The following FGD3 variants were observed in gnomAD, a reference collection of about 807,000 sequenced individuals.
FGD3 encodes the protein FYVE, RhoGEF and PH domain-containing protein 3.
FGD3 carries 45 observed loss-of-function variants against 71.8 expected under a neutral mutation model. The ratio of observed to expected loss-of-function variants is 0.63; its 90% confidence interval spans 0.49 to 0.80. The LOEUF (loss-of-function observed/expected upper bound fraction) is 0.80. Ranked by LOEUF, FGD3 falls within the 30% of genes least tolerant of loss-of-function variation. The pLI is 0.00. For synonymous variants in FGD3, 378 were observed against 392.8 expected, an observed-to-expected ratio of 0.96 and a Z score of 0.44; for missense variants, 844 against 951.5, an observed-to-expected ratio of 0.89 and a Z score of 1.49.
chr9:93,012,175 A>G (rs564220738), intron 8 of FGD3, among the ~76,000 whole-genome samples: 3 of 151,680 alleles, frequency 2.0e-5, no homozygotes, highest in East Asian at 3.9e-4. Flanking sequence ...AAAAAAATGT[A>G]TAACAAAAAC....
chr9:93,017,909 G>A (rs1861764699), intron 10 of FGD3, among the ~76,000 whole-genome samples: 1 of 152,156 alleles, frequency 6.6e-6, no homozygotes, highest in Non-Finnish European at 1.5e-5. Flanking sequence ...AAGATGAGCG[G>A]TCATAGCTGT....
At position 93,018,125 on chromosome 9, in the gene FGD3, T is replaced by G. The variant is rs765465307; in HGVS notation, c.1276-11T>G. ...TTGGGTTTGCTTTGTTCTTTGTTCT[T>G]GCCCCTTCAGGTGCAGGATATCGTC... On this transcript the variant is annotated splice_polypyrimidine_tract_variant and intron_variant, in intron 10 of 17. Coordinates refer to ENST00000375482, the MANE Select transcript of FGD3 (RefSeq NM_001083536.2). 12 of 1,613,776 alleles carry G rather than the reference T, an allele frequency of 7.4e-6. 1 individual carries two copies. The highest frequency in any genetic ancestry group is 1.6e-4 in the Middle Eastern group (1 of 6,062).
intron 3 of FGD3, among the ~76,000 whole-genome samples, chr9:92,999,729 G>T (rs889639464): frequency 2.6e-4 from 40 of 151,868 alleles, no homozygotes; most frequent in African/African-American, 9.2e-4. Context: ...GAGTAGCTGG[G>T]ATTACAGGTG....
At chr9:93,000,978 CT>C (rs979272494) in intron 3 of FGD3, among the ~76,000 whole-genome samples, 12 of 149,682 alleles carry the variant, frequency 8.0e-5, no homozygotes, top group South Asian at 2.1e-4. Context: ...GCTCTTCTTT[CT>C]TTTTTTTTTC....
intron 3 of FGD3, among the ~76,000 whole-genome samples, chr9:92,977,288 T>C (rs567949198): frequency 4.6e-5 from 7 of 151,974 alleles, no homozygotes; most frequent in South Asian, 2.1e-4. Flanking sequence ...TGGAGGGAGT[T>C]TGTTTGCGTT....
rs372002389 is a variant in FGD3, at chr9:93,034,716, G to A, written c.1926+35G>A. The A allele has an allele frequency of 2.5e-6, 4 of 1,597,110 alleles. No individual in the cohort carries two copies. The African/African-American group carries it at 4.0e-5, about 16-fold the overall frequency. On this transcript the variant is annotated intron_variant, in intron 17 of 17. Transcript: ENST00000375482. ...CCCACCCCACCAGGCCCTCAGGCCA[G>A]CAGCCCAGAGCCTCAGGCCTGAGGC...
intron 14 of FGD3, among the ~76,000 whole-genome samples, chr9:93,028,233 CA>C (rs1308696075): frequency 2.0e-5 from 3 of 149,950 alleles, no homozygotes; most frequent in Non-Finnish European, 3.0e-5. Flanking sequence ...CACACACACA[CA>C]CACCCCAATT....
At chr9:93,025,459 T>C (rs568881613) in intron 14 of FGD3, among the ~76,000 whole-genome samples, 1 of 152,340 alleles carries the variant, frequency 6.6e-6, no homozygotes, top group East Asian at 1.9e-4. Context: ...TCAGTGTCTG[T>C]GTCAAGCTGC....
intron 1 of FGD3, among the ~76,000 whole-genome samples, chr9:92,949,574 A>G (rs1858915832): frequency 6.6e-6 from 1 of 152,174 alleles, no homozygotes; most frequent in African/African-American, 2.4e-5. Context: ...AACGAGGGAT[A>G]TCCAGCAGCC....
At chr9:93,015,875 C>T in intron 10 of FGD3, 46 bp downstream of exon 10, 1 of 1,550,794 alleles carries the variant, frequency 6.4e-7, no homozygotes. Flanking sequence ...GGAAGGGGCA[C>T]TGAGCAGGAC....
At chr9:93,006,622 G>A (rs1861065489) in intron 6 of FGD3, among the ~76,000 whole-genome samples, 1 of 152,056 alleles carries the variant, frequency 6.6e-6, no homozygotes, top group Non-Finnish European at 1.5e-5. Context: ...CTATAGGGCT[G>A]GTCTCTTTCT....
At chr9:92,998,437 G>A (rs922646681) in intron 3 of FGD3, among the ~76,000 whole-genome samples, 7 of 152,124 alleles carry the variant, frequency 4.6e-5, no homozygotes, top group Non-Finnish European at 1.0e-4. Context: ...GCTTGGAGAA[G>A]TTTGTTATTA....
chr9:93,032,739 C>G (rs769465710), intron 15 of FGD3, 30 bp from the exon 16 acceptor site: 92 of 1,606,746 alleles, frequency 5.7e-5, no homozygotes, highest in Non-Finnish European at 7.5e-5. Context: ...TCCCAGGGTG[C>G]TGGGGTCACA....
intron 3 of FGD3, among the ~76,000 whole-genome samples, chr9:92,977,124 A>G (rs1460159526): frequency 6.6e-6 from 1 of 152,172 alleles, no homozygotes. Context: ...AAACTGAGGC[A>G]CAGAGGGCAT....
At chr9:93,024,798 C>A (rs147686672) in intron 14 of FGD3, among the ~76,000 whole-genome samples, 17 of 152,242 alleles carry the variant, frequency 1.1e-4, no homozygotes, top group African/African-American at 4.1e-4. Context: ...GAGTCTAACC[C>A]CCGGGTTGGT....
chr9:93,032,408 G>A (rs1454357555), intron 15 of FGD3: 1 of 228,340 alleles, frequency 4.4e-6, no homozygotes, highest in Non-Finnish European at 8.9e-6. Context: ...GCCATGCTGA[G>A]GGGTGAGAGG....
intron 1 of FGD3, among the ~76,000 whole-genome samples, chr9:92,971,761 C>T (rs1859543490): frequency 1.3e-5 from 2 of 151,606 alleles, no homozygotes; most frequent in South Asian, 4.2e-4. Flanking sequence ...TTTTCTTGAT[C>T]AGCCCTGTGA....
intron 8 of FGD3, among the ~76,000 whole-genome samples, chr9:93,012,689 G>GA: frequency 8.0e-6 from 1 of 124,930 alleles, no homozygotes; most frequent in Non-Finnish European, 1.7e-5. Context: ...GGCGGTGGCG[G>GA]GGTGTGGGGG....
Position 93,032,866 on chromosome 9 carries a change from G to T in FGD3, c.1778G>T (p.Ser593Ile). 1 of 1,614,102 alleles carries T rather than the reference G, an allele frequency of 6.2e-7. No individual in the cohort carries two copies. Among genetic ancestry groups the T allele is most frequent in the African/African-American group, 1.3e-5 (1 of 75,054 alleles). ...CFLTQPVAPE[S>I]TEKTPTADPQ... Reference sequence around the variant, plus strand: ...CTGACACAGCCAGTGGCCCCTGAGAGCACAGAGGTGGGTGCTCCCAGCTCC... The same window carrying T: ...CTGACACAGCCAGTGGCCCCTGAGATCACAGAGGTGGGTGCTCCCAGCTCC... Residue 593 changes from serine to isoleucine, a missense_variant, in exon 16 of 18, where the codon AGC becomes ATC. Physicochemically the swap from Ser to Ile is moderately radical, Grantham distance 142 (BLOSUM62 -2). Coordinates refer to ENST00000375482, the MANE Select transcript of FGD3 (RefSeq NM_001083536.2).
Sources: allele counts gnomAD v4.1 joint callset (sites outside exome capture counted in the v4.1 genomes callset), GRCh38; gene constraint gnomAD v4.1.1; transcripts MANE v1.5; gene names NCBI Gene and HGNC (gene_info 2026-07-23, HGNC 2026-07-21).